The following TRAPPC9 variants were observed in gnomAD, a reference collection of about 807,000 sequenced individuals.
TRAPPC9 encodes trafficking protein particle complex subunit 9, also known as IKK2 binding protein.
Under a neutral mutation model 124.0 loss-of-function variants are expected in TRAPPC9, and 83 were observed. That is an observed-to-expected ratio of 0.67 (90% confidence interval 0.56 to 0.80). The LOEUF (loss-of-function observed/expected upper bound fraction) is 0.80. Ranked by LOEUF, TRAPPC9 falls within the 30% of genes least tolerant of loss-of-function variation. The probability of loss-of-function intolerance (pLI) is 0.00; values close to 1 mark genes in which losing one functional copy is unlikely to be tolerated. For synonymous variants in TRAPPC9, 638 were observed against 617.5 expected (o/e 1.03, Z -0.49); for missense variants, 1,302 against 1,508.3 (o/e 0.86, Z 2.27).
intron 10 of TRAPPC9, among the ~76,000 whole-genome samples, chr8:140,304,015 C>T (rs568236653): frequency 1.8e-4 from 28 of 152,280 alleles, no homozygotes; most frequent in African/African-American, 6.5e-4. Flanking sequence ...GTAACACTAA[C>T]AGGAGCTTTA....
At chr8:140,289,384 G>A (rs1210850126) in intron 12 of TRAPPC9, among the ~76,000 whole-genome samples, 6 of 152,114 alleles carry the variant, frequency 3.9e-5, no homozygotes, top group South Asian at 4.1e-4. Flanking sequence ...GGTGGAAGCC[G>A]AGGAGCCAAT....
intron 21 of TRAPPC9, among the ~76,000 whole-genome samples, chr8:139,767,670 G>C (rs942164973): frequency 1.3e-5 from 2 of 152,220 alleles, no homozygotes; most frequent in African/African-American, 2.4e-5. Flanking sequence ...ATTCTGCACA[G>C]AGAAGTGGAA....
At chr8:139,775,025 G>A (rs1821263654) in intron 21 of TRAPPC9, among the ~76,000 whole-genome samples, 1 of 152,204 alleles carries the variant, frequency 6.6e-6, no homozygotes, top group African/African-American at 2.4e-5. Context: ...CCACTAAGGG[G>A]TCCAAAGGGG....
At chr8:139,901,822 C>G (rs1188828353) in intron 20 of TRAPPC9, among the ~76,000 whole-genome samples, 1 of 152,220 alleles carries the variant, frequency 6.6e-6, no homozygotes, top group Non-Finnish European at 1.5e-5. Context: ...GCTGGGTGAC[C>G]TACAGCAAGC....
At chr8:139,753,365 T>C (rs753176500) in intron 21 of TRAPPC9, among the ~76,000 whole-genome samples, 7 of 151,096 alleles carry the variant, frequency 4.6e-5, no homozygotes, top group Non-Finnish European at 1.0e-4. Flanking sequence ...CATTCATCCA[T>C]CAACAACTAC....
chr8:140,422,355 T>C (rs1346043010), intron 5 of TRAPPC9, among the ~76,000 whole-genome samples: 7 of 152,184 alleles, frequency 4.6e-5, no homozygotes, highest in Admixed American at 4.6e-4. Context: ...AAAACTTGTA[T>C]TGGCTTCAAA....
intron 21 of TRAPPC9, among the ~76,000 whole-genome samples, chr8:139,780,178 G>A (rs1821703879): frequency 6.6e-6 from 1 of 152,166 alleles, no homozygotes; most frequent in African/African-American, 2.4e-5. Flanking sequence ...TTTATATGGA[G>A]AGGTAAAAGA....
chr8:140,078,473 G>C (rs527304878), intron 17 of TRAPPC9, among the ~76,000 whole-genome samples: 1 of 152,300 alleles, frequency 6.6e-6, no homozygotes, highest in Admixed American at 6.5e-5. Context: ...GGCTGAACAC[G>C]GGGGAGGGCT....
rs145652819 is a variant in TRAPPC9 at position 140,295,851 on chromosome 8, T to C, written c.1768+4618A>G. On this transcript the variant is annotated intron_variant, in intron 11 of 22. Transcript: ENST00000438773. ...GATCAGTACACTGCCAAAAAGATAT[T>C]AGAAGCTATGGGATATAAATTGCAT... is the stretch of plus-strand genomic sequence containing the variant. Among the ~76,000 whole-genome samples the C allele has an allele frequency of 1.1e-3, 167 of 152,290 alleles. 1 individual carries two copies. Among genetic ancestry groups the C allele is most frequent in the Middle Eastern group, 3.4e-3 (1 of 294 alleles).
In TRAPPC9 at chr8:140,379,522, C is replaced by T. The variant is rs189647225; in HGVS notation, c.1135-8342G>A. Among the ~76,000 whole-genome samples, 6 of 152,228 alleles carry T rather than the reference C, an allele frequency of 3.9e-5. No homozygotes were observed. The East Asian group carries it at 1.2e-3, about 29-fold the overall frequency. On this transcript the variant is annotated intron_variant, in intron 7 of 22. Coordinates refer to ENST00000438773, the MANE Select transcript of TRAPPC9 (RefSeq NM_001160372.4). ...TTCCCTAAGAGAATTAATATCAGCC[C>T]CAAATCTTCACAGTATACATGACAC...
At chr8:139,810,228 G>A (rs76000312) in intron 21 of TRAPPC9, among the ~76,000 whole-genome samples, 2,600 of 152,314 alleles carry the variant, frequency 0.017, 67 homozygotes, top group African/African-American at 0.06. Flanking sequence ...GACCTAACAG[G>A]GCAGCAGAAG....
intron 19 of TRAPPC9, among the ~76,000 whole-genome samples, chr8:139,975,926 T>C (rs1376788025): frequency 8.2e-6 from 1 of 121,896 alleles, no homozygotes; most frequent in Non-Finnish European, 1.8e-5. Flanking sequence ...GAAAGGACAG[T>C]CTTTTTTTTT....
intron 2 of TRAPPC9, among the ~76,000 whole-genome samples, chr8:140,446,355 T>C (rs1197252821): frequency 2.9e-5 from 4 of 136,320 alleles, no homozygotes; most frequent in Admixed American, 2.9e-4. Flanking sequence ...TGAGGTTAAA[T>C]GGAAAGTCTG....
At chr8:140,155,563 C>A (rs766179084) in intron 17 of TRAPPC9, among the ~76,000 whole-genome samples, 1 of 152,140 alleles carries the variant, frequency 6.6e-6, no homozygotes, top group Non-Finnish European at 1.5e-5. Context: ...ATCACACAGG[C>A]GATCATGCAG....
Position 140,144,678 on chromosome 8 carries a change from G to T in TRAPPC9, c.2556+76781C>A, listed in dbSNP as rs138367080. Among the ~76,000 whole-genome samples, 479 of 152,150 alleles carry T rather than the reference G, an allele frequency of 3.1e-3. 2 individuals are homozygous for T. The highest frequency in any genetic ancestry group is 0.011 in the African/African-American group (460 of 41,508). ...TAACTTGTATTTTAAGTAGAGACGG[G>T]GTTTCACCATGTTGGTCAGGCTGGT... On this transcript the variant is annotated intron_variant, in intron 17 of 22. Coordinates refer to ENST00000438773, the MANE Select transcript of TRAPPC9 (RefSeq NM_001160372.4).
intron 9 of TRAPPC9, among the ~76,000 whole-genome samples, chr8:140,332,553 C>A (rs932728668): frequency 6.6e-6 from 1 of 151,936 alleles, no homozygotes; most frequent in African/African-American, 2.4e-5. Flanking sequence ...ACATGATATA[C>A]GTGTATCAAA....
At position 140,335,575 on chromosome 8, in the gene TRAPPC9, G is replaced by C. The variant is rs569628462; in HGVS notation, c.1496-24201C>G. On this transcript the variant is annotated intron_variant, in intron 9 of 22. Transcript: ENST00000438773. ...ATGAGACATTCAGGAGACAAATCCA[G>C]CCTTCATTGGGAAACTGAAGTTCAG... 2.0e-5 allele frequency among the ~76,000 whole-genome samples: 3 copies of C among 152,236 alleles called. No individual in the cohort carries two copies. In the East Asian group the frequency reaches 5.8e-4, roughly 29 times the overall value.
chr8:139,877,001 C>T (rs1829360339), intron 21 of TRAPPC9, among the ~76,000 whole-genome samples: 2 of 152,192 alleles, frequency 1.3e-5, no homozygotes. Context: ...TGGTGTTGCC[C>T]TCGTTCCCAC....
intron 17 of TRAPPC9, among the ~76,000 whole-genome samples, chr8:140,091,862 G>A (rs1844586558): frequency 1.3e-5 from 2 of 152,084 alleles, no homozygotes; most frequent in African/African-American, 4.8e-5. Context: ...CCTACTGCCT[G>A]GGGACAGAGG....
Sources: allele counts gnomAD v4.1 joint callset (sites outside exome capture counted in the v4.1 genomes callset), GRCh38; gene constraint gnomAD v4.1.1; transcripts MANE v1.5; gene names NCBI Gene and HGNC (gene_info 2026-07-23, HGNC 2026-07-21).